The following RAB37 variants were observed in gnomAD, a reference collection of about 807,000 sequenced individuals.
RAB37 encodes the protein ras-related protein Rab-37.
RAB37 carries 29 observed loss-of-function variants against 33.1 expected under a neutral mutation model. That is an observed-to-expected ratio of 0.88 (90% confidence interval 0.65 to 1.20). RAB37 has a LOEUF of 1.20. Ranked by LOEUF, RAB37 falls within the 50% of genes most tolerant of loss-of-function variation. The pLI is 0.00. For missense variants in RAB37, 299 were observed against 301.1 expected, an observed-to-expected ratio of 0.99 and a Z score of 0.05; for synonymous variants, 128 against 119.5, an observed-to-expected ratio of 1.07 and a Z score of -0.47.
rs372786583 is a variant in RAB37, at chr17:74,745,260, C to CCCCAGCCCAGCCCAG, written c.567-31_567-17dup. ...GGGGAGGGGGCGGCTCAGCTCCTCA[C>CCCCAGCCCAGCCCAG]CCCAGCCCAGCCCAGCCCAGCCCAG... On this transcript the variant is annotated intron_variant, in intron 8 of 8. Coordinates refer to ENST00000392613, the MANE Select transcript of RAB37 (RefSeq NM_001006638.3). This position sits in a 1 kb window ranked among gnomAD's most constrained non-coding sequence, Gnocchi z 4.5. 1.9e-6 allele frequency: 3 copies of CCCCAGCCCAGCCCAG among 1,583,732 alleles called. No individual in the cohort carries two copies. Among genetic ancestry groups the CCCCAGCCCAGCCCAG allele is most frequent in the East Asian group, 4.5e-5 (2 of 44,730 alleles).
At chr17:74,702,096 G>A (rs78064575) in intron 1 of RAB37, among the ~76,000 whole-genome samples, 8,850 of 152,040 alleles carry the variant, frequency 0.058, 378 homozygotes, top group Non-Finnish European at 0.085. Flanking sequence ...GGGAGTAGAA[G>A]GGTCTCAGGT....
At chr17:74,677,379 A>G (rs1247563279) in intron 1 of RAB37, 1 of 152,046 alleles carries the variant, frequency 6.6e-6, no homozygotes, top group Non-Finnish European at 1.5e-5. Context: ...CTCATTCTCT[A>G]TCCCACAGGT....
intron 1 of RAB37, among the ~76,000 whole-genome samples, chr17:74,714,355 T>C (rs1157725723): frequency 1.3e-5 from 2 of 151,800 alleles, no homozygotes; most frequent in African/African-American, 4.8e-5. Context: ...CACTGTTCAC[T>C]GTACTCCAGC....
intron 1 of RAB37, among the ~76,000 whole-genome samples, chr17:74,675,836 C>T (rs1389382737): frequency 6.6e-6 from 1 of 152,206 alleles, no homozygotes; most frequent in African/African-American, 2.4e-5. Flanking sequence ...GCCCAAGTAA[C>T]TCTTAGAAGA....
At chr17:74,735,250 G>A (rs1273167011), upstream of RAB37, among the ~76,000 whole-genome samples, 2 of 151,980 alleles carry the variant, frequency 1.3e-5, no homozygotes, top group East Asian at 1.9e-4. Context: ...AGAAAAGACC[G>A]CATACCAGGC....
chr17:74,734,223 T>C (rs1394092815), upstream of RAB37, among the ~76,000 whole-genome samples: 1 of 152,174 alleles, frequency 6.6e-6, no homozygotes, highest in African/African-American at 2.4e-5. Flanking sequence ...GTCCTTGGCA[T>C]TCCTTGGCTT....
Position 74,745,173 on chromosome 17 carries a change from G to C in RAB37, c.566+89G>C. The C allele has an allele frequency of 1.3e-6, 2 of 1,547,524 alleles. No homozygotes were observed. The highest frequency in any genetic ancestry group is 1.8e-6 in the Non-Finnish European group (2 of 1,122,154). ...GGCCCGGCCCCTGGCCCAGCCCCTG[G>C]ACACACCTGCATTCTGCAGGCTGAG... On this transcript the variant is annotated intron_variant, in intron 8 of 8. Transcript: ENST00000392613. The surrounding 1 kb of genome is among the most constrained non-coding windows in gnomAD (Gnocchi z 4.5).
intron 1 of RAB37, among the ~76,000 whole-genome samples, chr17:74,715,933 G>T (rs941364264): frequency 6.6e-6 from 1 of 152,164 alleles, no homozygotes; most frequent in Non-Finnish European, 1.5e-5. Context: ...AGGAGGCTGA[G>T]GCAAGAGAAT....
At chr17:74,691,074 T>A (rs533961969) in intron 1 of RAB37, among the ~76,000 whole-genome samples, 5 of 152,190 alleles carry the variant, frequency 3.3e-5, no homozygotes, top group South Asian at 4.1e-4. Flanking sequence ...GCCTGGCTAA[T>A]TTTTTTAATT....
At chr17:74,713,663 G>T (rs1258782361) in intron 1 of RAB37, among the ~76,000 whole-genome samples, 1 of 152,110 alleles carries the variant, frequency 6.6e-6, no homozygotes, top group African/African-American at 2.4e-5. Context: ...CAGAAGGCCA[G>T]AAGTTCAAGA....
At chr17:74,740,057 G>A (rs968376337) in intron 1 of RAB37, among the ~76,000 whole-genome samples, 1 of 151,888 alleles carries the variant, frequency 6.6e-6, no homozygotes, top group African/African-American at 2.4e-5. Context: ...TCAGGAGGCT[G>A]AGGCAGGAGA....
chr17:74,686,055 C>T lies in RAB37; in HGVS notation c.72+14397C>T, dbSNP rs201240739. Among the ~76,000 whole-genome samples, 33 of 152,258 alleles carry T rather than the reference C, an allele frequency of 2.2e-4. No homozygotes were observed. In the East Asian group the frequency reaches 6.4e-3, roughly 29 times the overall value. On this transcript the variant is annotated intron_variant, in intron 1 of 7. Coordinates refer to the RAB37 transcript ENST00000340415. ...GCCCCTGGGCAGACTCTCCTTCACT[C>T]TATCTCCACGTTCTCTCCCATTTGC...
At chr17:74,708,903 A>G (rs201403537) in intron 1 of RAB37, among the ~76,000 whole-genome samples, 6 of 150,798 alleles carry the variant, frequency 4.0e-5, no homozygotes, top group East Asian at 1.9e-4. Context: ...GCGACAGAGC[A>G]AGACTCCGTC....
chr17:74,678,456 C>T (rs374912278), intron 1 of RAB37, among the ~76,000 whole-genome samples: 2 of 152,170 alleles, frequency 1.3e-5, no homozygotes, highest in South Asian at 2.1e-4. Context: ...AGTCAGCTCC[C>T]TCCCTTCTCA....
chr17:74,688,004 C>A (rs1395371548), intron 1 of RAB37, among the ~76,000 whole-genome samples: 2 of 152,194 alleles, frequency 1.3e-5, no homozygotes, highest in Non-Finnish European at 2.9e-5. Flanking sequence ...ATTATGGTGA[C>A]AATGGATTGT....
At position 74,671,827 on chromosome 17, in the gene RAB37, G is replaced by C. The variant is rs1003458441; in HGVS notation, c.72+169G>C. ...TGTTTCCTGCTCAAAACAGAGATGC[G>C]TGAGCTCTTGGGGAAGGGCTGCCGC... On this transcript the variant is annotated intron_variant, in intron 1 of 7. Coordinates refer to the RAB37 transcript ENST00000340415. The surrounding 1 kb of genome is among the most constrained non-coding windows in gnomAD (Gnocchi z 5.0). 3.9e-5 allele frequency among the ~76,000 whole-genome samples: 6 copies of C among 152,176 alleles called. No homozygotes were observed. Among genetic ancestry groups the C allele is most frequent in the African/African-American group, 7.2e-5 (3 of 41,442 alleles).
chr17:74,700,308 G>A (rs1214373252), intron 1 of RAB37, among the ~76,000 whole-genome samples: 1 of 152,038 alleles, frequency 6.6e-6, no homozygotes, highest in African/African-American at 2.4e-5. Context: ...CTTCACTCCA[G>A]CCTCACTTCC....
chr17:74,727,620 A>G (rs1288238654), intron 1 of RAB37, among the ~76,000 whole-genome samples: 1 of 152,244 alleles, frequency 6.6e-6, no homozygotes, highest in Non-Finnish European at 1.5e-5. Context: ...AAACATGACA[A>G]TGATGGCTTT....
At chr17:74,684,329 G>C (rs2032011390) in intron 1 of RAB37, among the ~76,000 whole-genome samples, 1 of 150,578 alleles carries the variant, frequency 6.6e-6, no homozygotes, top group Non-Finnish European at 1.5e-5. Flanking sequence ...CAGACCTCAA[G>C]TGATCCACCT....
Sources: gnomAD v4.1 joint callset for allele counts (sites outside exome capture counted in the v4.1 genomes callset) on GRCh38, gnomAD v4.1.1 for gene constraint, Gnocchi (gnomAD v3.1) non-coding constraint, MANE v1.5 for transcripts, NCBI Gene and HGNC (gene_info 2026-07-23, HGNC 2026-07-21) for gene names.